PDILT: variants seen among roughly 807,000 people sequenced by gnomAD.
PDILT encodes protein disulfide isomerase like, testis expressed, also known as protein disulfide-isomerase-like protein of the testis.
In PDILT, 43 loss-of-function variants were observed where a neutral mutation model predicts 53.7. That is an observed-to-expected ratio of 0.80 (90% CI 0.63 to 1.03). The LOEUF (loss-of-function observed/expected upper bound fraction) is 1.03, where lower values mean the gene tolerates loss of function less well. Ranked by LOEUF, PDILT falls within the 50% of genes least tolerant of loss-of-function variation. The pLI is 0.00. For synonymous variants in PDILT, 282 were observed against 274.2 expected, an observed-to-expected ratio of 1.03 and a Z score of -0.28; for missense variants, 727 against 712.3, an observed-to-expected ratio of 1.02 and a Z score of -0.24.
chr16:20,391,514 C>CCT (rs1324524991), intron 2 of PDILT, among the ~76,000 whole-genome samples: 1 of 152,126 alleles, frequency 6.6e-6, no homozygotes, highest in African/African-American at 2.4e-5. Flanking sequence ...CTTATCTTGA[C>CCT]CTCTCTCCAC....
rs1482338733 is a variant in PDILT, at chr16:20,374,922, A to G, written c.581T>C (p.Val194Ala). 2 of 1,613,244 alleles carry G rather than the reference A, an allele frequency of 1.2e-6. No homozygotes were observed. The highest frequency in any genetic ancestry group is 1.7e-6 in the Non-Finnish European group (2 of 1,179,460). The change falls in exon 5 of 12, where the codon GTG becomes GCG. Residue 194 changes from valine (V) to alanine (A), a missense_variant. Val to Ala is a moderately conservative substitution (Grantham distance 64). Transcript: ENST00000302451. ...EEEVAELFYD[V>A]IKDFPELTFG... ...CGTTAGCTCTGGAAAGTCTTTGATC[A>G]CATCATAGAACAACTCTGCTACTTC...
chr16:20,382,908 T>G (rs1383356479), intron 3 of PDILT, among the ~76,000 whole-genome samples: 1 of 152,180 alleles, frequency 6.6e-6, no homozygotes, highest in Non-Finnish European at 1.5e-5. Flanking sequence ...CCACTGCCCT[T>G]GTGATGCTCT....
chr16:20,400,295 G>A (rs147921833), intron 1 of PDILT, among the ~76,000 whole-genome samples: 1,844 of 151,772 alleles, frequency 0.012, 26 homozygotes, highest in Non-Finnish European at 0.018. Context: ...GGCTGGTCTC[G>A]AACTCCTGAC....
intron 10 of PDILT, among the ~76,000 whole-genome samples, chr16:20,361,822 A>G (rs1966105564): frequency 6.6e-6 from 1 of 152,166 alleles, no homozygotes; most frequent in Admixed American, 6.5e-5. Flanking sequence ...TGCCCTCCAG[A>G]AGCTCTTCCT....
rs755292330 is a variant in PDILT at position 20,365,463 on chromosome 16, G to C, written c.1194C>G (p.Asn398Lys). 1.2e-6 allele frequency: 2 copies of C among 1,613,914 alleles called. No individual in the cohort carries two copies. Among genetic ancestry groups the C allele is most frequent in the South Asian group, 2.2e-5 (2 of 91,082 alleles). The stretch of plus-strand genomic sequence containing the variant: ...CCTTTTCTTTGTCAAAGACGACTAC[G>C]TTGAAGTTCTTCCCCACGAGCTGCT... ...LVKQLVGKNF[N>K]VVVFDKEKDV... is the part of the protein sequence containing the mutation. Residue 398 changes from asparagine to lysine, a missense_variant, in exon 9 of 12, where the codon AAC becomes AAG. Asn to Lys is a moderately conservative substitution (Grantham distance 94). Coordinates refer to ENST00000302451, the MANE Select transcript of PDILT (RefSeq NM_174924.2).
intron 9 of PDILT, 102 bp from the exon 10 acceptor site, chr16:20,362,684 G>C: frequency 2.7e-6 from 3 of 1,112,388 alleles, no homozygotes; most frequent in South Asian, 1.6e-5. Context: ...TGGTCCTGCT[G>C]TTTTGCCAAT....
At chr16:20,404,099 T>C (rs1222025059) in intron 1 of PDILT, among the ~76,000 whole-genome samples, 1 of 152,246 alleles carries the variant, frequency 6.6e-6, no homozygotes, top group East Asian at 1.9e-4. Context: ...TGTTCACAGC[T>C]GTTTTCTCCC....
intron 3 of PDILT, among the ~76,000 whole-genome samples, chr16:20,378,243 A>G (rs1449487563): frequency 6.6e-6 from 1 of 152,194 alleles, no homozygotes; most frequent in Admixed American, 6.5e-5. Context: ...GGTTAGATGG[A>G]TTTTTACAAA....
In PDILT at chr16:20,373,130, A is replaced by C; in HGVS notation, c.682-8T>G. 1 of 1,606,810 alleles carries C rather than the reference A, an allele frequency of 6.2e-7. No homozygotes were observed. ...GCGGTTCACAATTTTTCCCTTGTAC[A>C]AAAGGAGAAACATATTGGAGGACAG... On this transcript the variant is annotated splice_region_variant and splice_polypyrimidine_tract_variant and intron_variant, in intron 5 of 11. Coordinates refer to ENST00000302451, the MANE Select transcript of PDILT (RefSeq NM_174924.2).
At chr16:20,391,312 A>G in intron 2 of PDILT, 1 of 166,928 alleles carries the variant, frequency 6.0e-6, no homozygotes, top group Non-Finnish European at 1.3e-5. Flanking sequence ...TGTCATCATC[A>G]CCACTATAAT....
At chr16:20,391,157 A>G in intron 2 of PDILT, 1 of 157,410 alleles carries the variant, frequency 6.4e-6, no homozygotes, top group Non-Finnish European at 1.4e-5. Context: ...CATTGTCATC[A>G]TCATCACCAT....
Position 20,359,269 on chromosome 16 carries a change from T to C in PDILT, c.*50A>G, listed in dbSNP as rs781481316. 5 of 1,594,424 alleles carry C rather than the reference T, an allele frequency of 3.1e-6. No individual in the cohort carries two copies. The highest frequency in any genetic ancestry group is 4.3e-6 in the Non-Finnish European group (5 of 1,170,820). Reference sequence around the variant, plus strand: ...TATTGGAATCAATCCATTCAGAAAATGATGCCAGGATCTGGAAAATAAGCA... The same window carrying C: ...TATTGGAATCAATCCATTCAGAAAACGATGCCAGGATCTGGAAAATAAGCA... On this transcript the variant is annotated 3_prime_UTR_variant, in exon 12 of 12. Transcript: ENST00000302451.
chr16:20,401,560 C>A (rs966383166), intron 1 of PDILT, among the ~76,000 whole-genome samples: 3 of 152,162 alleles, frequency 2.0e-5, no homozygotes, highest in African/African-American at 7.2e-5. Flanking sequence ...CCTTGCCTGG[C>A]AGGAAAGGGC....
intron 3 of PDILT, among the ~76,000 whole-genome samples, chr16:20,379,626 GA>G (rs967420732): frequency 6.6e-6 from 1 of 152,208 alleles, no homozygotes; most frequent in African/African-American, 2.4e-5. Flanking sequence ...GGGCTATTCT[GA>G]ATGAATTCTT....
intron 8 of PDILT, among the ~76,000 whole-genome samples, chr16:20,366,985 T>TC (rs1966205712): frequency 1.2e-5 from 1 of 83,362 alleles, no homozygotes; most frequent in African/African-American, 3.2e-5. Flanking sequence ...CCTTCCTTCC[T>TC]TCCTTTCTTT....
chr16:20,365,854 G>C (rs949725962), intron 8 of PDILT, among the ~76,000 whole-genome samples: 1 of 151,998 alleles, frequency 6.6e-6, no homozygotes, highest in African/African-American at 2.4e-5. Flanking sequence ...AGGCCGAGGC[G>C]GGTGGATCAT....
Position 20,399,316 on chromosome 16 carries a change from G to A in PDILT, c.-7-9C>T. The A allele has an allele frequency of 6.2e-7, 1 of 1,612,928 alleles. No individual in the cohort carries two copies. The highest frequency in any genetic ancestry group is 8.5e-7 in the Non-Finnish European group (1 of 1,179,706). ...GTAGGTCCATGGCTGTCCTGCAGGGGCCGGAGAAGGAACAGAGACCTTATC... is the reference window on the plus strand; with the variant it reads ...GTAGGTCCATGGCTGTCCTGCAGGGACCGGAGAAGGAACAGAGACCTTATC... On this transcript the variant is annotated splice_polypyrimidine_tract_variant and intron_variant, in intron 1 of 11. Transcript: ENST00000302451.
rs1308746974 is a variant in PDILT, at chr16:20,370,084, ATTC to A, written c.919-398_919-396del. Among the ~76,000 whole-genome samples the A allele has an allele frequency of 2.0e-5, 3 of 152,322 alleles. No homozygotes were observed. The East Asian group carries it at 5.8e-4, about 29-fold the overall frequency. On this transcript the variant is annotated intron_variant, in intron 7 of 11. Coordinates refer to ENST00000302451, the MANE Select transcript of PDILT (RefSeq NM_174924.2). The stretch of plus-strand genomic sequence containing the variant: ...GGTAGAAAGTGTTCAATACATGACA[ATTC>A]TTATTATTTTTTATTTGAATAATTA...
At chr16:20,380,067 C>CA (rs1369724263) in intron 3 of PDILT, among the ~76,000 whole-genome samples, 3 of 152,270 alleles carry the variant, frequency 2.0e-5, no homozygotes, top group Middle Eastern at 3.4e-3. Flanking sequence ...CAAAACCTGC[C>CA]AAATGAATTT....
Sources: allele counts gnomAD v4.1 joint callset (sites outside exome capture counted in the v4.1 genomes callset), GRCh38; gene constraint gnomAD v4.1.1; transcripts MANE v1.5; gene names NCBI Gene and HGNC (gene_info 2026-07-23, HGNC 2026-07-21).